Variants in GALNTL6 observed in about 807,000 individuals in gnomAD.
GALNTL6 encodes the protein polypeptide N-acetylgalactosaminyltransferase like 6, also known as polypeptide N-acetylgalactosaminyltransferase-like 6.
A neutral mutation model predicts 73.7 loss-of-function variants in GALNTL6; 46 were observed. The observed-to-expected ratio is 0.62, with a 90% CI of 0.49 to 0.80. The LOEUF is 0.80. GALNTL6 is among the 30% of genes least tolerant of loss of function. GALNTL6 has a pLI of 0.00. For synonymous variants in GALNTL6, 259 were observed against 263.7 expected (o/e 0.98, Z 0.17); for missense variants, 604 against 755.0 (o/e 0.80, Z 2.34).
chr4:172,214,670 A>G (rs1269420193), intron 2 of GALNTL6, among the ~76,000 whole-genome samples: 1 of 151,846 alleles, frequency 6.6e-6, no homozygotes, highest in Non-Finnish European at 1.5e-5. Context: ...ACATGCTCCC[A>G]TGCCCAGCTA....
intron 5 of GALNTL6, among the ~76,000 whole-genome samples, chr4:172,457,051 CA>C (rs1732424859): frequency 6.6e-6 from 1 of 152,140 alleles, no homozygotes; most frequent in South Asian, 2.1e-4. Flanking sequence ...CAATATTCAA[CA>C]TTCTTAAAGA....
intron 2 of GALNTL6, among the ~76,000 whole-genome samples, chr4:172,084,483 A>G (rs900602727): frequency 2.0e-5 from 3 of 152,214 alleles, no homozygotes; most frequent in Admixed American, 1.3e-4. Context: ...GCAGGTCTGC[A>G]AAGGTATTAC....
intron 5 of GALNTL6, among the ~76,000 whole-genome samples, chr4:172,481,425 T>C (rs1048355612): frequency 7.1e-6 from 1 of 141,498 alleles, no homozygotes; most frequent in African/African-American, 2.5e-5. Flanking sequence ...GGGACCAGGG[T>C]TGTCTCTGTG....
chr4:172,293,417 A>G (rs565807440), intron 3 of GALNTL6, among the ~76,000 whole-genome samples: 2 of 146,868 alleles, frequency 1.4e-5, no homozygotes. Flanking sequence ...AAATATGATT[A>G]TATATGCATT....
At chr4:172,956,160 G>A (rs898429241) in intron 10 of GALNTL6, among the ~76,000 whole-genome samples, 24 of 152,108 alleles carry the variant, frequency 1.6e-4, no homozygotes, top group African/African-American at 5.6e-4. Flanking sequence ...GAGATAATGC[G>A]CGATGTTTCT....
intron 3 of GALNTL6, among the ~76,000 whole-genome samples, chr4:172,242,739 A>G (rs1052644546): frequency 1.3e-5 from 2 of 151,172 alleles, no homozygotes; most frequent in African/African-American, 4.9e-5. Context: ...TTTAAATGCC[A>G]AATACTATAG....
chr4:172,919,885 C>T (rs1747711300), intron 8 of GALNTL6, among the ~76,000 whole-genome samples: 3 of 152,122 alleles, frequency 2.0e-5, no homozygotes, highest in Admixed American at 2.0e-4. Flanking sequence ...TTAAGTGATA[C>T]ATCTGTTTTT....
chr4:172,651,897 A>G (rs772136692), intron 5 of GALNTL6, among the ~76,000 whole-genome samples: 5 of 152,312 alleles, frequency 3.3e-5, no homozygotes, highest in African/African-American at 1.2e-4. Flanking sequence ...ACCAATCTGC[A>G]ACTCCGAATT....
chr4:172,262,610 G>T (rs1193165550), intron 3 of GALNTL6, among the ~76,000 whole-genome samples: 5 of 151,454 alleles, frequency 3.3e-5, no homozygotes, highest in Non-Finnish European at 5.9e-5. Context: ...GAGCATTTAG[G>T]CCATTTACCT....
chr4:172,539,747 T>C (rs1325922867), intron 5 of GALNTL6, among the ~76,000 whole-genome samples: 1 of 151,790 alleles, frequency 6.6e-6, no homozygotes. Context: ...GGCAGAATTA[T>C]ATATATTGTT....
rs886920644 is a variant in GALNTL6, at chr4:172,379,273, G to A, written c.553+30584G>A. Among the ~76,000 whole-genome samples, 92 of 152,272 alleles carry A rather than the reference G, an allele frequency of 6.0e-4. 1 individual carries two copies. The highest frequency in any genetic ancestry group is 2.0e-3 in the African/African-American group (84 of 41,560). On this transcript the variant is annotated intron_variant, in intron 5 of 12. Transcript: ENST00000506823. ...AGGCCGGGCGCGGTGGCTCACGCCT[G>A]TAATCCCAGCACTTTGGGAGGCCGA... is the stretch of plus-strand genomic sequence containing the variant.
intron 5 of GALNTL6, among the ~76,000 whole-genome samples, chr4:172,489,642 G>A (rs1021036936): frequency 8.5e-5 from 13 of 152,088 alleles, no homozygotes; most frequent in African/African-American, 2.9e-4. Flanking sequence ...TAGAATTCCT[G>A]GCATTATTTT....
chr4:172,867,853 T>G (rs568405479), intron 7 of GALNTL6, among the ~76,000 whole-genome samples: 1 of 152,220 alleles, frequency 6.6e-6, no homozygotes, highest in African/African-American at 2.4e-5. Flanking sequence ...AATATGGTTA[T>G]CTGAACCATC....
chr4:172,676,229 A>AT (rs779592987), intron 5 of GALNTL6, among the ~76,000 whole-genome samples: 2 of 152,226 alleles, frequency 1.3e-5, no homozygotes, highest in African/African-American at 2.4e-5. Context: ...ATACAAGGAC[A>AT]TTTATAAAAT....
chr4:172,871,364 C>T (rs909113130), intron 7 of GALNTL6, among the ~76,000 whole-genome samples: 5 of 152,098 alleles, frequency 3.3e-5, no homozygotes, highest in Non-Finnish European at 7.3e-5. Context: ...CCAACAGAAA[C>T]AGGGTTACGT....
intron 5 of GALNTL6, among the ~76,000 whole-genome samples, chr4:172,729,133 C>G (rs1174929108): frequency 3.9e-5 from 6 of 152,000 alleles, no homozygotes; most frequent in Non-Finnish European, 8.8e-5. Context: ...TATTAATCCC[C>G]TTTCAGATGG....
chr4:172,483,320 T>C (rs1733559846), intron 5 of GALNTL6, among the ~76,000 whole-genome samples: 2 of 152,146 alleles, frequency 1.3e-5, no homozygotes, highest in African/African-American at 4.8e-5. Context: ...ATTTTGTGAG[T>C]GCAGTAGGTT....
chr4:172,566,739 T>TA (rs1335214201), intron 5 of GALNTL6, among the ~76,000 whole-genome samples: 1 of 151,472 alleles, frequency 6.6e-6, no homozygotes, highest in Non-Finnish European at 1.5e-5. Context: ...TAAATGGAAC[T>TA]AAAAAAATTT....
At chr4:172,730,158 G>A (rs373338571) in intron 5 of GALNTL6, among the ~76,000 whole-genome samples, 1 of 152,108 alleles carries the variant, frequency 6.6e-6, no homozygotes, top group South Asian at 2.1e-4. Context: ...CTAAATGTAA[G>A]AGTGTGTTTT....
Sources: allele counts gnomAD v4.1 joint callset (sites outside exome capture counted in the v4.1 genomes callset), GRCh38; gene constraint gnomAD v4.1.1; transcripts MANE v1.5; gene names NCBI Gene and HGNC (gene_info 2026-07-23, HGNC 2026-07-21).